COLEC11: variants seen among roughly 807,000 people sequenced by gnomAD.
COLEC11 encodes the protein collectin-11.
In COLEC11, 20 loss-of-function variants were observed where a neutral mutation model predicts 27.3. The ratio of observed to expected loss-of-function variants is 0.73; its 90% confidence interval spans 0.51 to 1.06. The LOEUF (loss-of-function observed/expected upper bound fraction) is 1.06. Ranked by LOEUF, COLEC11 falls within the 50% of genes least tolerant of loss-of-function variation. The probability of loss-of-function intolerance (pLI) is 0.00; values close to 1 mark genes in which losing one functional copy is unlikely to be tolerated. For missense variants in COLEC11, 310 were observed against 383.0 expected, an observed-to-expected ratio of 0.81 and a Z score of 1.59; for synonymous variants, 163 against 154.7, an observed-to-expected ratio of 1.05 and a Z score of -0.40.
intron 4 of COLEC11, 82 bp downstream of exon 4, chr2:3,637,686 GA>G: frequency 9.3e-7 from 1 of 1,080,386 alleles, no homozygotes. Context: ...ATTGTAGCCT[GA>G]ATTGTCTCGT....
At chr2:3,625,336 G>A (rs11675047) in intron 3 of COLEC11, among the ~76,000 whole-genome samples, 4,438 of 152,272 alleles carry the variant, frequency 0.029, 209 homozygotes, top group African/African-American at 0.1. Context: ...TGAGCCTGAG[G>A]CAGGATGTGC....
At chr2:3,641,660 C>T (rs933223011) in intron 5 of COLEC11, among the ~76,000 whole-genome samples, 1 of 152,082 alleles carries the variant, frequency 6.6e-6, no homozygotes, top group Non-Finnish European at 1.5e-5. Flanking sequence ...TAAGAAAACC[C>T]CCAAAACCAA....
At chr2:3,618,386 A>T (rs1663938564) in intron 3 of COLEC11, among the ~76,000 whole-genome samples, 1 of 151,892 alleles carries the variant, frequency 6.6e-6, no homozygotes, top group Admixed American at 6.5e-5. Context: ...TAAGACAAGG[A>T]TTCAGTTTTG....
In COLEC11 at chr2:3,640,318, T is replaced by C. The variant is rs372117482; in HGVS notation, c.315T>C (p.Pro105=). The C allele has an allele frequency of 3.1e-5, 49 of 1,593,488 alleles. No homozygotes were observed. Among genetic ancestry groups the C allele is most frequent in the Non-Finnish European group, 4.2e-5 (49 of 1,161,454 alleles). The stretch of plus-strand genomic sequence containing the variant: ...CCGGTGACATAGGACCCCCTGGTCC[T>C]AATGGAGAACCAGGTATGGCATAAA... The part of the protein sequence containing the change: ...GDSGDIGPPG[P]NGEPGLPCEC... The change falls in exon 5 of 7, where the codon CCT becomes CCC. Residue 105 remains proline, a synonymous_variant. Coordinates refer to ENST00000349077, the MANE Select transcript of COLEC11 (RefSeq NM_024027.5).
intron 3 of COLEC11, among the ~76,000 whole-genome samples, chr2:3,617,390 C>G (rs1663841872): frequency 6.6e-6 from 1 of 152,184 alleles, no homozygotes; most frequent in Admixed American, 6.5e-5. Flanking sequence ...ACAGGCGCGG[C>G]CTTCGTTGTC....
At chr2:3,606,276 T>A in intron 2 of COLEC11, 1 of 1,534,704 alleles carries the variant, frequency 6.5e-7, no homozygotes, top group Non-Finnish European at 8.8e-7. Context: ...GGCCGTGGGG[T>A]GGGCTCCAGG....
At chr2:3,616,774 G>T (rs1038716118) in intron 3 of COLEC11, among the ~76,000 whole-genome samples, 6 of 144,658 alleles carry the variant, frequency 4.1e-5, no homozygotes, top group Non-Finnish European at 7.4e-5. Flanking sequence ...GGGAGACCGT[G>T]GGGAGAGGGA....
At chr2:3,629,339 A>G (rs539909420) in intron 3 of COLEC11, among the ~76,000 whole-genome samples, 4 of 152,282 alleles carry the variant, frequency 2.6e-5, no homozygotes, top group Non-Finnish European at 4.4e-5. Flanking sequence ...GCTCACACCA[A>G]TAGGTCCCAG....
intron 1 of COLEC11, among the ~76,000 whole-genome samples, chr2:3,600,535 A>C (rs553162606): frequency 6.6e-6 from 1 of 152,228 alleles, no homozygotes; most frequent in Non-Finnish European, 1.5e-5. Flanking sequence ...GTCCTGTCCC[A>C]AAACCAAACA....
intron 1 of COLEC11, among the ~76,000 whole-genome samples, chr2:3,600,838 G>A (rs1369664647): frequency 6.6e-6 from 1 of 152,232 alleles, no homozygotes; most frequent in Admixed American, 6.5e-5. Flanking sequence ...GCTGGGCAAT[G>A]GGTATATGGA....
intron 3 of COLEC11, among the ~76,000 whole-genome samples, chr2:3,614,532 ATTCTTTTTTT>A (rs1170530945): frequency 6.6e-6 from 1 of 152,090 alleles, no homozygotes; most frequent in African/African-American, 2.4e-5. Flanking sequence ...GAGCTGGAAC[ATTCTTTTTTT>A]TTCTTTTTTT....
intron 2 of COLEC11, chr2:3,605,236 G>A (rs1158013437): frequency 5.0e-6 from 2 of 400,726 alleles, no homozygotes; most frequent in Admixed American, 3.0e-5. Context: ...CGGGTGGCAG[G>A]GCCGGGGCTG....
At chr2:3,615,583 C>G (rs1663610663) in intron 3 of COLEC11, among the ~76,000 whole-genome samples, 1 of 152,270 alleles carries the variant, frequency 6.6e-6, no homozygotes, top group South Asian at 2.1e-4. Context: ...ATCCTTTCCC[C>G]ACATTTCCCC....
Position 3,643,394 on chromosome 2 carries a change from A to G in COLEC11, c.329-50A>G, listed in dbSNP as rs577675050. On this transcript the variant is annotated intron_variant, in intron 5 of 6. Transcript: ENST00000349077. The stretch of plus-strand genomic sequence containing the variant: ...GGGAGGGGTCCTCGCCTCTCTTCTG[A>G]GTCCGAGTCCTCATCCAGCGTTTGT... 7.8e-4 allele frequency: 1,150 copies of G among 1,467,066 alleles called. 19 individuals carry two copies. The South Asian group carries it at 0.012, about 16-fold the overall frequency. 90.9% of individuals were successfully genotyped at this position (1,467,066 alleles called of 1,614,324 possible). A position where few individuals can be genotyped will look rare whatever the true frequency, so the allele number is the denominator to read the frequency against.
At chr2:3,639,855 C>T (rs1187650765) in intron 4 of COLEC11, among the ~76,000 whole-genome samples, 1 of 152,204 alleles carries the variant, frequency 6.6e-6, no homozygotes, top group Non-Finnish European at 1.5e-5. Context: ...AGTGCACCGA[C>T]TCTTGGATTA....
chr2:3,615,017 A>C (rs938849596), intron 3 of COLEC11, among the ~76,000 whole-genome samples: 1 of 152,216 alleles, frequency 6.6e-6, no homozygotes, highest in Non-Finnish European at 1.5e-5. Flanking sequence ...CAAGGCTGAG[A>C]GCAGAATAAA....
chr2:3,643,305 G>C, intron 5 of COLEC11, 139 bp from the exon 6 acceptor site: 1 of 729,058 alleles, frequency 1.4e-6, no homozygotes, highest in Non-Finnish European at 2.5e-6. Flanking sequence ...GATGAAGTGG[G>C]TGATGGTTAT....
At chr2:3,638,237 C>A (rs1044010005) in intron 4 of COLEC11, among the ~76,000 whole-genome samples, 11 of 152,140 alleles carry the variant, frequency 7.2e-5, no homozygotes, top group Non-Finnish European at 1.2e-4. Context: ...TCAGAAGGTG[C>A]TGCTCCTATG....
intron 3 of COLEC11, among the ~76,000 whole-genome samples, chr2:3,624,321 G>T (rs1297318537): frequency 6.6e-6 from 1 of 152,160 alleles, no homozygotes; most frequent in African/African-American, 2.4e-5. Context: ...GTCCAGTTGG[G>T]ATGGTTCACA....
Sources: gnomAD v4.1 joint callset for allele counts (sites outside exome capture counted in the v4.1 genomes callset) on GRCh38, gnomAD v4.1.1 for gene constraint, MANE v1.5 for transcripts, NCBI Gene and HGNC (gene_info 2026-07-23, HGNC 2026-07-21) for gene names.